SYNE2: variants seen among roughly 807,000 people sequenced by gnomAD.
The protein encoded by SYNE2 is nesprin-2.
In SYNE2, 431 loss-of-function variants were observed where a neutral mutation model predicts 856.3. The ratio of observed to expected loss-of-function variants is 0.50; its 90% CI spans 0.47 to 0.55. The LOEUF (loss-of-function observed/expected upper bound fraction) is 0.55, where lower values mean the gene tolerates loss of function less well. Among genes scored for constraint, SYNE2 ranks in the 20% least tolerant of loss-of-function variants. SYNE2 has a pLI of 0.00. For synonymous variants in SYNE2, 2,923 were observed against 2,872.3 expected (o/e 1.02, Z -0.56); for missense variants, 8,129 against 8,023.2 (o/e 1.01, Z -0.50).
At chr14:64,208,662 G>C in intron 100 of SYNE2, 96 bp from the exon 101 acceptor site, 1 of 1,304,038 alleles carries the variant, frequency 7.7e-7, no homozygotes, top group Non-Finnish European at 1.1e-6. Flanking sequence ...TATCCCCTGA[G>C]CTGGGAGAAG....
intron 54 of SYNE2, among the ~76,000 whole-genome samples, chr14:64,078,014 A>C (rs1427068200): frequency 6.6e-6 from 1 of 152,210 alleles, no homozygotes; most frequent in Admixed American, 6.5e-5. Flanking sequence ...TTTTTAAAAA[A>C]GTCAGCTTGA....
chr14:64,167,026 G>T, intron 90 of SYNE2: 2 of 606,580 alleles, frequency 3.3e-6, no homozygotes, highest in Admixed American at 2.9e-5. Context: ...GGTGCTGGCC[G>T]TGTTGCAGGT....
At chr14:63,950,154 G>T (rs2096127718) in intron 7 of SYNE2, 148 bp downstream of exon 7, 3 of 955,158 alleles carry the variant, frequency 3.1e-6, no homozygotes, top group Non-Finnish European at 4.9e-6. Flanking sequence ...GGAAGCCCAA[G>T]AGCTCAGCCA....
At chr14:63,841,832 C>CT (rs34947861) in intron 1 of SYNE2, among the ~76,000 whole-genome samples, 52,893 of 115,026 alleles carry the variant, frequency 0.46, 13,334 homozygotes, top group South Asian at 0.59. Flanking sequence ...TTCTTTCTTT[C>CT]TTTTTTTTTT....
rs891714884 is a variant in SYNE2, at chr14:64,121,180, A to G, written c.13158+119A>G. ...TGAGGTGGGAGGATCACCTGTGGCC[A>G]GGTGTTCGAGGCCAGCCTGGGCAAC... On this transcript the variant is annotated intron_variant, in intron 68 of 115. Transcript: ENST00000555002. The G allele has an allele frequency of 4.6e-5, 64 of 1,394,074 alleles. No individual in the cohort carries two copies. The Middle Eastern group carries it at 9.5e-4, about 21-fold the overall frequency. 86.4% of individuals were successfully genotyped at this position (1,394,074 alleles called of 1,614,324 possible).
chr14:63,764,374 A>G (rs1276379567), intron 1 of SYNE2, among the ~76,000 whole-genome samples: 1 of 152,182 alleles, frequency 6.6e-6, no homozygotes, highest in African/African-American at 2.4e-5. Flanking sequence ...AAGAAGTTCA[A>G]AGTGGACAGT....
In SYNE2 at chr14:64,190,091, C is replaced by T. The variant is rs201827003; in HGVS notation, c.17892C>T (p.Asn5964=). The T allele has an allele frequency of 3.6e-5, 58 of 1,613,384 alleles. No individual in the cohort carries two copies. In the East Asian group the frequency reaches 1.1e-3, roughly 32 times the overall value. ...GCCAGGACTGCATGGAAGAAATAAA[C>T]TTGTTTAGTGAAAACAAGTTACAGT... ...KLQKDCMEEI[N]LFSENKLQLK... is the part of the protein sequence containing the mutation. The change falls in exon 99 of 116, where the codon AAC becomes AAT. Residue 5964 remains asparagine (N), a synonymous_variant. Coordinates refer to ENST00000555002, the MANE Select transcript of SYNE2 (RefSeq NM_182914.3).
At chr14:63,974,617 G>C (rs2096514943) in intron 11 of SYNE2, among the ~76,000 whole-genome samples, 1 of 151,200 alleles carries the variant, frequency 6.6e-6, no homozygotes, top group South Asian at 2.1e-4. Context: ...GGAGTGCACT[G>C]GTGTGATCTT....
Position 63,947,475 on chromosome 14 carries a change from G to C in SYNE2, c.409-2350G>C, listed in dbSNP as rs117472192. Among the ~76,000 whole-genome samples, 221 of 152,288 alleles carry C rather than the reference G, an allele frequency of 1.5e-3. 2 individuals carry two copies. In the South Asian group the frequency reaches 0.015, roughly 10 times the overall value. The stretch of plus-strand genomic sequence containing the variant: ...TTTCAAGAATGAATCAATTTTGTAT[G>C]TTATGTTGAAACAATCAAAATTTAC... On this transcript the variant is annotated intron_variant, in intron 6 of 115. Transcript: ENST00000555002.
chr14:64,188,867 T>C, intron 98 of SYNE2, 159 bp downstream of exon 98: 1 of 790,446 alleles, frequency 1.3e-6, no homozygotes, highest in Non-Finnish European at 2.2e-6. Context: ...GAGAGAACAG[T>C]TGGAAGAGAG....
At chr14:63,862,798 G>T (rs77683577) in intron 1 of SYNE2, among the ~76,000 whole-genome samples, 2,024 of 148,744 alleles carry the variant, frequency 0.014, 42 homozygotes, top group African/African-American at 0.047. Flanking sequence ...TTTTTTTTTT[G>T]TTTTGTTTTG....
chr14:63,930,312 G>A (rs1432276940), intron 2 of SYNE2, among the ~76,000 whole-genome samples: 1 of 150,802 alleles, frequency 6.6e-6, no homozygotes, highest in African/African-American at 2.4e-5. Flanking sequence ...GCAATGAGAT[G>A]GTTGTACAGC....
chr14:63,973,155 C>T (rs1488531234), intron 11 of SYNE2, among the ~76,000 whole-genome samples: 1 of 152,066 alleles, frequency 6.6e-6, no homozygotes, highest in African/African-American at 2.4e-5. Flanking sequence ...ACTCAGGAGG[C>T]TGTCAGGAGA....
intron 31 of SYNE2, among the ~76,000 whole-genome samples, chr14:64,007,732 C>T (rs2096808560): frequency 6.6e-6 from 1 of 151,976 alleles, no homozygotes; most frequent in Admixed American, 6.6e-5. Flanking sequence ...AAAAAATTGG[C>T]CGGACACAGT....
At chr14:64,215,847 TG>T in intron 107 of SYNE2, 1 of 835,032 alleles carries the variant, frequency 1.2e-6, no homozygotes, top group Non-Finnish European at 1.6e-6. Context: ...CTATCTGCCA[TG>T]GTGGGTCGGG....
In SYNE2 at chr14:64,226,352, C is replaced by CG. The variant is rs1282087506; in HGVS notation, c.*832dup. On this transcript the variant is annotated 3_prime_UTR_variant, in exon 116 of 116. Transcript: ENST00000555002. ...TGTTTGGCCACGGCGGGGGTGGGGGCGGGGGGTTGGTACAGAAACTTGAAG... is the reference window on the plus strand; with the variant it reads ...TGTTTGGCCACGGCGGGGGTGGGGGCGGGGGGGTTGGTACAGAAACTTGAAG... The CG allele has an allele frequency of 5.3e-4, 34 of 64,452 alleles. No homozygotes were observed. The highest frequency in any genetic ancestry group is 1.0e-3 in the African/African-American group (18 of 17,528). The allele number at this position is 64,452 out of a possible 1,614,324, so 4.0% of individuals were successfully genotyped here. A position where few individuals can be genotyped will look rare whatever the true frequency, so the allele number is the denominator to read the frequency against.
intron 50 of SYNE2, among the ~76,000 whole-genome samples, chr14:64,064,640 A>G (rs2097344206): frequency 7.1e-6 from 1 of 141,756 alleles, no homozygotes; most frequent in Non-Finnish European, 1.5e-5. Flanking sequence ...CACAGCCTTG[A>G]GCTCCTGGCC....
chr14:63,977,636 T>C (rs1445411417), intron 12 of SYNE2, among the ~76,000 whole-genome samples: 1 of 152,186 alleles, frequency 6.6e-6, no homozygotes, highest in Non-Finnish European at 1.5e-5. Context: ...GCTCTGCATC[T>C]GTAGACCCAG....
intron 99 of SYNE2, among the ~76,000 whole-genome samples, chr14:64,201,971 A>G (rs2098570530): frequency 6.6e-6 from 1 of 152,186 alleles, no homozygotes; most frequent in Non-Finnish European, 1.5e-5. Flanking sequence ...TTATTTTAGT[A>G]TATATGTCAG....
Sources: gnomAD v4.1 joint callset for allele counts (sites outside exome capture counted in the v4.1 genomes callset) on GRCh38, gnomAD v4.1.1 for gene constraint, MANE v1.5 for transcripts, NCBI Gene and HGNC (gene_info 2026-07-23, HGNC 2026-07-21) for gene names.